ANAPC1: variants seen among roughly 807,000 people sequenced by gnomAD.
ANAPC1 encodes anaphase promoting complex subunit 1.
Under a neutral mutation model 208.0 loss-of-function variants are expected in ANAPC1, and 36 were observed. That is an observed-to-expected ratio of 0.17 (90% CI 0.13 to 0.23). The LOEUF (loss-of-function observed/expected upper bound fraction) is 0.23. Among genes scored for constraint, ANAPC1 ranks in the 10% least tolerant of loss-of-function variants. The probability of loss-of-function intolerance (pLI) is 1.00; values close to 1 mark genes in which losing one functional copy is unlikely to be tolerated. For missense variants in ANAPC1, 942 were observed against 2,011.6 expected, an observed-to-expected ratio of 0.47 and a Z score of 10.17; for synonymous variants, 378 against 695.2, an observed-to-expected ratio of 0.54 and a Z score of 7.18.
At chr2:111,813,509 A>G (rs1342160946) in intron 28 of ANAPC1, among the ~76,000 whole-genome samples, 1 of 149,354 alleles carries the variant, frequency 6.7e-6, no homozygotes, top group African/African-American at 2.5e-5. Flanking sequence ...CACCAGTCCA[A>G]ATCCATCTCA....
intron 26 of ANAPC1, among the ~76,000 whole-genome samples, chr2:111,820,141 C>T (rs1439294635): frequency 6.6e-6 from 1 of 152,192 alleles, no homozygotes; most frequent in East Asian, 1.9e-4. Flanking sequence ...CTGAAATACA[C>T]AACTGATTTC....
chr2:111,774,852 G>A (rs1676921475), intron 46 of ANAPC1, among the ~76,000 whole-genome samples: 1 of 126,614 alleles, frequency 7.9e-6, no homozygotes, highest in Non-Finnish European at 1.6e-5. Flanking sequence ...TACTTACTTT[G>A]TATATTCTTT....
At chr2:111,865,384 A>G (rs558949570) in intron 7 of ANAPC1, among the ~76,000 whole-genome samples, 1 of 151,996 alleles carries the variant, frequency 6.6e-6, no homozygotes, top group South Asian at 2.1e-4. Flanking sequence ...GCCGAACAGT[A>G]CACTGTTGTT....
Position 111,778,104 on chromosome 2 carries a change from T to C in ANAPC1, c.5385+571A>G, listed in dbSNP as rs566658806. On this transcript the variant is annotated intron_variant, in intron 45 of 47. Transcript: ENST00000341068. Reference sequence around the variant, plus strand: ...ACTGAAAAGGTGTATGTATTACTAATTTGCCTAAAGTGAATAAATTGGTCT... The same window carrying C: ...ACTGAAAAGGTGTATGTATTACTAACTTGCCTAAAGTGAATAAATTGGTCT... 1.4e-4 allele frequency among the ~76,000 whole-genome samples: 21 copies of C among 152,350 alleles called. No homozygotes were observed. The East Asian group carries it at 4.1e-3, about 29-fold the overall frequency.
intron 47 of ANAPC1, among the ~76,000 whole-genome samples, chr2:111,771,501 C>T (rs969511580): frequency 5.3e-5 from 8 of 151,056 alleles, no homozygotes; most frequent in African/African-American, 1.9e-4. Flanking sequence ...TGGCACTCTA[C>T]TTCTTGTACT....
chr2:111,855,875 T>C (rs938631935), intron 13 of ANAPC1, among the ~76,000 whole-genome samples: 5 of 152,216 alleles, frequency 3.3e-5, no homozygotes, highest in Admixed American at 1.3e-4. Context: ...AAATTGTATG[T>C]ATTTAAATTT....
Position 111,831,331 on chromosome 2 carries a change from A to G in ANAPC1, c.2580T>C (p.Tyr860=). Residue 860 remains tyrosine (Y), a synonymous_variant, in exon 21 of 48, where the codon TAT becomes TAC. Transcript: ENST00000341068. ...SCLKGEGMPP[Y]PYLPGICERS... Reference sequence around the variant, plus strand: ...TTTCACAGATTCCAGGGAGGTAAGGATAAGGTGGCATTCCTTCACCCTTCA... The same window carrying G: ...TTTCACAGATTCCAGGGAGGTAAGGGTAAGGTGGCATTCCTTCACCCTTCA... 6.2e-7 allele frequency: 1 copy of G among 1,611,968 alleles called. No individual in the cohort carries two copies. Among genetic ancestry groups the G allele is most frequent in the South Asian group, 1.1e-5 (1 of 90,992 alleles).
At chr2:111,816,397 G>C (rs879277102) in intron 27 of ANAPC1, among the ~76,000 whole-genome samples, 104 of 150,920 alleles carry the variant, frequency 6.9e-4, no homozygotes, top group Non-Finnish European at 1.1e-3. Flanking sequence ...CTAATTATAT[G>C]CTATCGTTTA....
intron 37 of ANAPC1, among the ~76,000 whole-genome samples, chr2:111,793,394 T>C (rs1677996430): frequency 6.6e-6 from 1 of 150,672 alleles, no homozygotes; most frequent in Non-Finnish European, 1.5e-5. Context: ...CCTGGCTAAT[T>C]TTTTATTTTT....
At chr2:111,821,699 C>G in intron 25 of ANAPC1, 1 of 432,010 alleles carries the variant, frequency 2.3e-6, no homozygotes, top group Non-Finnish European at 4.3e-6. Context: ...TTTGGGAGGC[C>G]GAGGTGGGCG....
chr2:111,860,056 G>A (rs556589117), intron 10 of ANAPC1, among the ~76,000 whole-genome samples: 2 of 152,270 alleles, frequency 1.3e-5, no homozygotes, highest in African/African-American at 4.8e-5. Flanking sequence ...CCATTACTTT[G>A]GGAGGCAGAG....
chr2:111,826,913 C>T (rs1479903671), intron 21 of ANAPC1, among the ~76,000 whole-genome samples: 7 of 152,108 alleles, frequency 4.6e-5, no homozygotes, highest in Non-Finnish European at 1.0e-4. Flanking sequence ...CCCTCCTCGG[C>T]CTCCCAAAGT....
intron 39 of ANAPC1, among the ~76,000 whole-genome samples, chr2:111,787,408 A>G (rs1174333091): frequency 6.6e-6 from 1 of 150,570 alleles, no homozygotes; most frequent in Non-Finnish European, 1.5e-5. Context: ...TTTGTAAAAC[A>G]GCTATCTTTC....
At chr2:111,864,463 C>T (rs867206010) in intron 8 of ANAPC1, among the ~76,000 whole-genome samples, 6 of 95,172 alleles carry the variant, frequency 6.3e-5, no homozygotes, top group South Asian at 3.9e-4. Context: ...TATATATATA[C>T]TTTTTTTTTT....
chr2:111,854,852 A>G (rs1681611986), intron 13 of ANAPC1, among the ~76,000 whole-genome samples: 1 of 152,176 alleles, frequency 6.6e-6, no homozygotes, highest in Non-Finnish European at 1.5e-5. Flanking sequence ...CATATCAGCG[A>G]TAAGGCTGTT....
At chr2:111,783,645 C>T (rs1482187539) in intron 42 of ANAPC1, among the ~76,000 whole-genome samples, 2 of 152,192 alleles carry the variant, frequency 1.3e-5, no homozygotes, top group Non-Finnish European at 2.9e-5. Flanking sequence ...ATTACTCTCA[C>T]AAGGAAGTCA....
At chr2:111,872,054 A>G (rs554052850) in intron 6 of ANAPC1, among the ~76,000 whole-genome samples, 1 of 152,318 alleles carries the variant, frequency 6.6e-6, no homozygotes, top group Non-Finnish European at 1.5e-5. Flanking sequence ...GAAAGTAGGC[A>G]TCTTAGTCTT....
In ANAPC1 at chr2:111,855,549, T is replaced by A. The variant is rs373032766; in HGVS notation, c.1515+1065A>T. Among the ~76,000 whole-genome samples the A allele has an allele frequency of 2.4e-4, 37 of 152,276 alleles. 1 individual carries two copies. Among genetic ancestry groups the A allele is most frequent in the African/African-American group, 8.7e-4 (36 of 41,556 alleles). On this transcript the variant is annotated intron_variant, in intron 13 of 47. Coordinates refer to ENST00000341068, the MANE Select transcript of ANAPC1 (RefSeq NM_022662.4). ...ACTGAATGAGTAAACAACACACGCA[T>A]CAACACAGACAAATCTAAAACAAAT...
chr2:111,779,112 A>C (rs1465274335), intron 44 of ANAPC1: 2 of 230,666 alleles, frequency 8.7e-6, no homozygotes, highest in Non-Finnish European at 1.7e-5. Flanking sequence ...CTGCAAGAAA[A>C]AAAACACTGT....
Sources: allele counts gnomAD v4.1 joint callset (sites outside exome capture counted in the v4.1 genomes callset), GRCh38; gene constraint gnomAD v4.1.1; transcripts MANE v1.5; gene names NCBI Gene and HGNC (gene_info 2026-07-23, HGNC 2026-07-21).